S100PBP: variants seen among roughly 807,000 people sequenced by gnomAD.
S100PBP encodes S100P binding protein.
A neutral mutation model predicts 39.9 loss-of-function variants in S100PBP; 15 were observed. The ratio of observed to expected loss-of-function variants is 0.38; its 90% CI spans 0.25 to 0.58. The LOEUF (loss-of-function observed/expected upper bound fraction) is 0.58, where lower values mean the gene tolerates loss of function less well. S100PBP is among the 20% of genes least tolerant of loss of function. The pLI, the probability that S100PBP is intolerant of heterozygous loss-of-function variation, is 0.70. For missense variants in S100PBP, 504 were observed against 487.3 expected (o/e 1.03, Z -0.32); for synonymous variants, 178 against 180.3 (o/e 0.99, Z 0.10).
intron 1 of S100PBP, among the ~76,000 whole-genome samples, chr1:32,821,139 T>C (rs1023789618): frequency 1.3e-5 from 2 of 152,082 alleles, no homozygotes; most frequent in African/African-American, 4.8e-5. Flanking sequence ...GATATTGTTT[T>C]CTTAAGAAAT....
At chr1:32,829,937 T>C in intron 4 of S100PBP, 27 bp from the exon 5 acceptor site, 1 of 1,528,314 alleles carries the variant, frequency 6.5e-7, no homozygotes, top group Non-Finnish European at 9.1e-7. Flanking sequence ...GGGCTGTTTT[T>C]CTTTTTTCTG....
intron 3 of S100PBP, among the ~76,000 whole-genome samples, chr1:32,827,792 T>G (rs1225182959): frequency 3.3e-5 from 5 of 150,494 alleles, no homozygotes; most frequent in East Asian, 1.9e-4. Flanking sequence ...GGTTTTTTTT[T>G]TTTTTTTTTT....
intron 5 of S100PBP, chr1:32,846,690 T>C (rs1309614242): frequency 6.6e-6 from 1 of 152,046 alleles, no homozygotes. Context: ...ACTGTAGTCT[T>C]GACCTCCTGG....
Position 32,826,870 on chromosome 1 carries a change from T to C in S100PBP, c.771T>C (p.Gly257=). The C allele has an allele frequency of 6.2e-7, 1 of 1,611,296 alleles. No individual in the cohort carries two copies. Among genetic ancestry groups the C allele is most frequent in the African/African-American group, 1.3e-5 (1 of 74,908 alleles). Residue 257 remains glycine (G), a synonymous_variant, in exon 3 of 7, where the codon GGT becomes GGC. Transcript: ENST00000373475. ...ATATGGAGTTATCCTGCAGAAATGGTGGTTCACACAAGTCAAGTTGTGAAA... is the reference window on the plus strand; with the variant it reads ...ATATGGAGTTATCCTGCAGAAATGGCGGTTCACACAAGTCAAGTTGTGAAA... ...TPNMELSCRN[G]GSHKSSCEMR...
chr1:32,844,759 A>C (rs944105711), intron 5 of S100PBP, among the ~76,000 whole-genome samples: 1 of 151,952 alleles, frequency 6.6e-6, no homozygotes, highest in Admixed American at 6.6e-5. Flanking sequence ...AGATATATAT[A>C]GATATCTATA....
chr1:32,839,037 C>T (rs1278786942), intron 5 of S100PBP, among the ~76,000 whole-genome samples: 1 of 152,026 alleles, frequency 6.6e-6, no homozygotes, highest in Admixed American at 6.6e-5. Flanking sequence ...TTAAGCAGTC[C>T]TCCTCCTCAG....
At chr1:32,844,142 C>T (rs1287710840) in intron 5 of S100PBP, among the ~76,000 whole-genome samples, 1 of 152,102 alleles carries the variant, frequency 6.6e-6, no homozygotes, top group Non-Finnish European at 1.5e-5. Flanking sequence ...TCTTGAACTC[C>T]TGACCTTAGG....
intron 1 of S100PBP, among the ~76,000 whole-genome samples, chr1:32,820,144 C>CT (rs5773387): frequency 0.8 from 83,498 of 103,920 alleles, 35,535 homozygotes; most frequent in South Asian, 0.93. Flanking sequence ...CGTTCCTATG[C>CT]TTTTTTTTTT....
chr1:32,819,114 G>C (rs1009066781), intron 1 of S100PBP, among the ~76,000 whole-genome samples: 4 of 152,080 alleles, frequency 2.6e-5, no homozygotes. Context: ...TTGCAACCAG[G>C]AGGTTCGAGA....
At chr1:32,829,898 C>A in intron 4 of S100PBP, 66 bp from the exon 5 acceptor site, 1 of 1,121,438 alleles carries the variant, frequency 8.9e-7, no homozygotes, top group South Asian at 1.3e-5. Context: ...TCACTTCTCT[C>A]TACAAAACGC....
intron 6 of S100PBP, among the ~76,000 whole-genome samples, chr1:32,855,675 C>T (rs1003657018): frequency 6.6e-6 from 1 of 151,890 alleles, no homozygotes; most frequent in Admixed American, 6.6e-5. Context: ...GTATATGGCA[C>T]ATATCACCAT....
In S100PBP at chr1:32,820,802, A is replaced by G. The variant is rs555304972; in HGVS notation, c.-120+3113A>G. On this transcript the variant is annotated intron_variant, in intron 1 of 6. Coordinates refer to ENST00000373475, the MANE Select transcript of S100PBP (RefSeq NM_022753.4). ...AGGATCGCTTGACTCCAGGAGTTCA[A>G]TACCAGCCTGGGCAACATAATGAGA... Among the ~76,000 whole-genome samples, 636 of 152,254 alleles carry G rather than the reference A, an allele frequency of 4.2e-3. 9 individuals carry two copies. The highest frequency in any genetic ancestry group is 4.6e-3 in the Admixed American group (70 of 15,302).
At chr1:32,831,075 G>T in intron 5 of S100PBP, among the ~76,000 whole-genome samples, 1 of 56,802 alleles carries the variant, frequency 1.8e-5, no homozygotes, top group Non-Finnish European at 3.3e-5. Context: ...ATGAGACTCT[G>T]TCTCAAAAAA....
intron 5 of S100PBP, chr1:32,835,872 T>A (rs2148661761): frequency 6.6e-6 from 1 of 152,274 alleles, no homozygotes; most frequent in South Asian, 2.1e-4. Flanking sequence ...TCAGTAGACA[T>A]TTGGGTTGCT....
At chr1:32,829,755 A>T (rs1379378560) in intron 4 of S100PBP, among the ~76,000 whole-genome samples, 1 of 152,166 alleles carries the variant, frequency 6.6e-6, no homozygotes, top group Non-Finnish European at 1.5e-5. Context: ...CACCACACCC[A>T]GCTTCTCTTC....
chr1:32,845,225 C>G (rs546239782), intron 5 of S100PBP, among the ~76,000 whole-genome samples: 22 of 152,080 alleles, frequency 1.4e-4, no homozygotes, highest in Admixed American at 2.6e-4. Flanking sequence ...GGGGTTTCAC[C>G]ACGTTAGCTG....
chr1:32,834,954 A>G (rs998038457), intron 5 of S100PBP: 2 of 152,042 alleles, frequency 1.3e-5, no homozygotes, highest in African/African-American at 4.8e-5. Context: ...CAGCCTGACT[A>G]ACATGATGAA....
intron 5 of S100PBP, among the ~76,000 whole-genome samples, chr1:32,838,079 C>T (rs144561318): frequency 0.023 from 3,456 of 152,162 alleles, 134 homozygotes; most frequent in African/African-American, 0.077. Context: ...CGGTGGCTCA[C>T]GCCTGTAATC....
rs1640891912 is a variant in S100PBP, at chr1:32,858,252, TAGG to T, written c.*2217_*2219del. 1 of 152,762 alleles carries T rather than the reference TAGG, an allele frequency of 6.5e-6. No homozygotes were observed. Among genetic ancestry groups the T allele is most frequent in the South Asian group, 2.1e-4 (1 of 4,826 alleles). 9.5% of individuals were successfully genotyped at this position (152,762 alleles called of 1,614,324 possible). A position where few individuals can be genotyped will look rare whatever the true frequency, so the allele number is the denominator to read the frequency against. On this transcript the variant is annotated 3_prime_UTR_variant, in exon 7 of 7. Coordinates refer to ENST00000373475, the MANE Select transcript of S100PBP (RefSeq NM_022753.4). The stretch of plus-strand genomic sequence containing the variant: ...TGGGGTTTTAAGACTGAATGTGTAA[TAGG>T]AGCACTGCCTTTGCCAAATCAAATG...
Sources: allele counts gnomAD v4.1 joint callset (sites outside exome capture counted in the v4.1 genomes callset), GRCh38; gene constraint gnomAD v4.1.1; transcripts MANE v1.5; gene names NCBI Gene and HGNC (gene_info 2026-07-23, HGNC 2026-07-21).